ATF6: variants seen among roughly 807,000 people sequenced by gnomAD.
ATF6 encodes activating transcription factor 6, also known as cyclic AMP-dependent transcription factor ATF-6 alpha.
Under a neutral mutation model 83.6 loss-of-function variants are expected in ATF6, and 53 were observed. The ratio of observed to expected loss-of-function variants is 0.63; its 90% CI spans 0.51 to 0.80. The LOEUF (loss-of-function observed/expected upper bound fraction) is 0.80. ATF6 is among the 30% of genes least tolerant of loss of function. The probability of loss-of-function intolerance (pLI) is 0.00; values close to 1 mark genes in which losing one functional copy is unlikely to be tolerated. For missense variants in ATF6, 744 were observed against 797.9 expected (o/e 0.93, Z 0.81); for synonymous variants, 288 against 285.8 (o/e 1.01, Z -0.08).
chr1:161,835,578 A>G (rs1686194143), intron 9 of ATF6, among the ~76,000 whole-genome samples: 1 of 152,196 alleles, frequency 6.6e-6, no homozygotes. Flanking sequence ...ATTAGCCACT[A>G]TGGAAATTGT....
intron 8 of ATF6, 141 bp downstream of exon 8, chr1:161,819,959 T>A: frequency 1.3e-6 from 1 of 780,998 alleles, no homozygotes; most frequent in South Asian, 2.8e-5. Flanking sequence ...CCTAAAACAT[T>A]TGCAGTAAGG....
chr1:161,848,807 A>G (rs1686542996), intron 10 of ATF6, among the ~76,000 whole-genome samples: 1 of 152,196 alleles, frequency 6.6e-6, no homozygotes, highest in South Asian at 2.1e-4. Flanking sequence ...AATGTTTGCA[A>G]GCAGACTCGA....
intron 14 of ATF6, among the ~76,000 whole-genome samples, chr1:161,907,953 CTA>C (rs886335891): frequency 2.0e-5 from 3 of 152,112 alleles, no homozygotes; most frequent in Admixed American, 2.0e-4. Context: ...TGAGGGCAGA[CTA>C]TTATGATTTT....
At chr1:161,817,477 C>A (rs977116222) in intron 7 of ATF6, among the ~76,000 whole-genome samples, 3 of 152,048 alleles carry the variant, frequency 2.0e-5, no homozygotes, top group Admixed American at 6.6e-5. Context: ...AATAATCAAT[C>A]CATCATGGCT....
intron 10 of ATF6, 107 bp downstream of exon 10, chr1:161,846,687 A>C: frequency 8.6e-7 from 1 of 1,166,042 alleles, no homozygotes; most frequent in Non-Finnish European, 1.1e-6. Context: ...GTATATTTTG[A>C]GTAGTAGAAC....
chr1:161,883,045 T>C (rs1485802201), intron 14 of ATF6, among the ~76,000 whole-genome samples: 2 of 151,868 alleles, frequency 1.3e-5, no homozygotes, highest in Admixed American at 1.3e-4. Flanking sequence ...CCCAGAAAAA[T>C]TCATTTTAAT....
intron 9 of ATF6, among the ~76,000 whole-genome samples, chr1:161,834,628 T>G (rs55787638): frequency 0.68 from 74,408 of 109,120 alleles, 25,091 homozygotes; most frequent in Middle Eastern, 0.79. Context: ...ACTGTTGTGG[T>G]GTGGGGGGAG....
intron 15 of ATF6, among the ~76,000 whole-genome samples, chr1:161,947,415 G>A (rs778251836): frequency 2.6e-5 from 4 of 152,152 alleles, no homozygotes; most frequent in African/African-American, 4.8e-5. Context: ...AACTTTAGCC[G>A]GATTCTTGCT....
Position 161,851,768 on chromosome 1 carries a change from G to T in ATF6, c.1366G>T (p.Glu456Ter). 1 of 1,613,902 alleles carries T rather than the reference G, an allele frequency of 6.2e-7. No individual in the cohort carries two copies. Residue 456 changes from glutamate (E) to a stop codon, truncating the protein, a stop_gained, in exon 11 of 16, where the codon GAA becomes TAA. Coordinates refer to ENST00000367942, the MANE Select transcript of ATF6 (RefSeq NM_007348.4). LOFTEE classifies it high-confidence loss of function. ...SNDKALMVLTEEPLLYIPPPP... is the reference protein window; with the variant it reads ...SNDKALMVLT Reference sequence around the variant, plus strand: ...TGACAAAGCCCTGATGGTGCTAACTGAAGAACCATTGCTTTACATTCCTCC... The same window carrying T: ...TGACAAAGCCCTGATGGTGCTAACTTAAGAACCATTGCTTTACATTCCTCC...
intron 7 of ATF6, among the ~76,000 whole-genome samples, chr1:161,816,874 A>G (rs985802658): frequency 1.3e-5 from 2 of 152,130 alleles, no homozygotes; most frequent in Non-Finnish European, 2.9e-5. Flanking sequence ...TTTTTTGCCT[A>G]GGAAGTATTG....
At chr1:161,788,623 T>G (rs961887822) in intron 4 of ATF6, among the ~76,000 whole-genome samples, 3 of 152,134 alleles carry the variant, frequency 2.0e-5, no homozygotes. Context: ...TCTATGCTTT[T>G]AGAGCACAGA....
chr1:161,810,320 CAGG>C (rs1446131293), intron 7 of ATF6, among the ~76,000 whole-genome samples: 1 of 152,070 alleles, frequency 6.6e-6, no homozygotes, highest in African/African-American at 2.4e-5. Context: ...ATGGCTAGAG[CAGG>C]AGAAAGAGAG....
intron 15 of ATF6, among the ~76,000 whole-genome samples, chr1:161,954,482 G>A (rs1688927681): frequency 6.6e-6 from 1 of 152,154 alleles, no homozygotes; most frequent in Non-Finnish European, 1.5e-5. Context: ...ATGCTTCTTT[G>A]CAAAGTACTG....
chr1:161,820,482 G>A lies in ATF6; in HGVS notation c.1096-588G>A, dbSNP rs531563821. On this transcript the variant is annotated intron_variant, in intron 8 of 15. Coordinates refer to ENST00000367942, the MANE Select transcript of ATF6 (RefSeq NM_007348.4). Reference sequence around the variant, plus strand: ...AAATGTTGAATTCTGGTCGGGCGTGGTGGCTCACGCCTGTAATTCCAGCAC... The same window carrying A: ...AAATGTTGAATTCTGGTCGGGCGTGATGGCTCACGCCTGTAATTCCAGCAC... Among the ~76,000 whole-genome samples, 383 of 152,358 alleles carry A rather than the reference G, an allele frequency of 2.5e-3. 3 individuals are homozygous for A. Among genetic ancestry groups the A allele is most frequent in the African/African-American group, 8.8e-3 (366 of 41,576 alleles).
intron 6 of ATF6, among the ~76,000 whole-genome samples, chr1:161,797,223 G>A (rs1685043865): frequency 6.6e-6 from 1 of 152,046 alleles, no homozygotes; most frequent in African/African-American, 2.4e-5. Flanking sequence ...GTAATGAGTG[G>A]GCAAGAGCTG....
At chr1:161,910,341 C>A (rs755670162) in intron 14 of ATF6, among the ~76,000 whole-genome samples, 100 of 152,260 alleles carry the variant, frequency 6.6e-4, no homozygotes, top group Middle Eastern at 3.4e-3. Flanking sequence ...AGTTTGCAAA[C>A]CTTTAATAAT....
intron 15 of ATF6, among the ~76,000 whole-genome samples, chr1:161,920,264 AATC>A (rs1183368300): frequency 1.4e-5 from 2 of 142,840 alleles, no homozygotes; most frequent in Non-Finnish European, 3.0e-5. Context: ...AAAAATACAT[AATC>A]ATAGTTCTCT....
intron 9 of ATF6, among the ~76,000 whole-genome samples, chr1:161,827,854 G>C (rs1685941162): frequency 1.3e-5 from 2 of 152,044 alleles, no homozygotes; most frequent in Admixed American, 1.3e-4. Flanking sequence ...AAACTAAATG[G>C]ACTTATAAGG....
At chr1:161,814,559 C>T (rs533507482) in intron 7 of ATF6, among the ~76,000 whole-genome samples, 27 of 152,224 alleles carry the variant, frequency 1.8e-4, no homozygotes, top group African/African-American at 4.1e-4. Context: ...GATAATCTGC[C>T]AAATAAATGG....
Sources: gnomAD v4.1 joint callset for allele counts (sites outside exome capture counted in the v4.1 genomes callset) on GRCh38, gnomAD v4.1.1 for gene constraint, MANE v1.5 for transcripts, NCBI Gene and HGNC (gene_info 2026-07-23, HGNC 2026-07-21) for gene names.